GATB: variants seen among roughly 807,000 people sequenced by gnomAD.
GATB encodes the protein glutamyl-tRNA(Gln) amidotransferase subunit B, mitochondrial.
GATB carries 39 observed loss-of-function variants against 62.3 expected under a neutral mutation model. The ratio of observed to expected loss-of-function variants is 0.63; its 90% confidence interval spans 0.48 to 0.82. The LOEUF (loss-of-function observed/expected upper bound fraction) is 0.82, where lower values mean the gene tolerates loss of function less well. GATB is among the 40% of genes least tolerant of loss of function. GATB has a pLI of 0.00. For missense variants in GATB, 670 were observed against 684.0 expected, an observed-to-expected ratio of 0.98 and a Z score of 0.23; for synonymous variants, 276 against 258.9, an observed-to-expected ratio of 1.07 and a Z score of -0.63.
intron 2 of GATB, chr4:151,721,912 T>C (rs1237442459): frequency 2.2e-6 from 1 of 444,822 alleles, no homozygotes. Context: ...AAACCACCAC[T>C]TTCCAGAGAA....
chr4:151,726,093 T>C (rs1364320782), intron 2 of GATB, among the ~76,000 whole-genome samples: 2 of 152,224 alleles, frequency 1.3e-5, no homozygotes, highest in Non-Finnish European at 2.9e-5. Flanking sequence ...ATGCTATACA[T>C]GACAAATCTG....
At chr4:151,681,353 A>G (rs1216832997) in intron 10 of GATB, among the ~76,000 whole-genome samples, 1 of 152,218 alleles carries the variant, frequency 6.6e-6, no homozygotes, top group African/African-American at 2.4e-5. Context: ...AGGTTTGGAG[A>G]ATATCTGGTG....
chr4:151,693,287 C>A (rs1419303692), intron 9 of GATB, among the ~76,000 whole-genome samples: 1 of 152,174 alleles, frequency 6.6e-6, no homozygotes, highest in African/African-American at 2.4e-5. Flanking sequence ...GGCGTCAGGG[C>A]AAGGCTAAGG....
At chr4:151,755,106 A>ATAAGTAATTAG (rs1012453464) in intron 2 of GATB, among the ~76,000 whole-genome samples, 6 of 152,206 alleles carry the variant, frequency 3.9e-5, no homozygotes, top group Non-Finnish European at 5.9e-5. Context: ...CTGTTAATTA[A>ATAAGTAATTAG]TAAGAGCACT....
chr4:151,720,375 T>C (rs1049475962), intron 2 of GATB: 2 of 152,210 alleles, frequency 1.3e-5, no homozygotes, highest in Admixed American at 6.5e-5. Flanking sequence ...TCAGTTTCCT[T>C]GTGTCTAAAA....
intron 1 of GATB, among the ~76,000 whole-genome samples, chr4:151,760,282 CTCT>C (rs1739924513): frequency 6.6e-6 from 1 of 152,138 alleles, no homozygotes; most frequent in South Asian, 2.1e-4. Context: ...GGGGGAGTAT[CTCT>C]TCTTTTGGCT....
Position 151,719,546 on chromosome 4 carries a change from A to C in GATB, c.328-8T>G. 4 of 1,573,390 alleles carry C rather than the reference A, an allele frequency of 2.5e-6. No individual in the cohort carries two copies. Among genetic ancestry groups the C allele is most frequent in the Non-Finnish European group, 3.5e-6 (4 of 1,152,450 alleles). On this transcript the variant is annotated splice_region_variant and splice_polypyrimidine_tract_variant and intron_variant, in intron 2 of 12. Transcript: ENST00000263985. Reference sequence around the variant, plus strand: ...ACACCTCCTGTTGAGAACCTATGGGAACACAACACACAGTTCCTCTCAGAA... The same window carrying C: ...ACACCTCCTGTTGAGAACCTATGGGCACACAACACACAGTTCCTCTCAGAA...
At chr4:151,727,509 G>A (rs1578926425) in intron 2 of GATB, among the ~76,000 whole-genome samples, 1 of 152,204 alleles carries the variant, frequency 6.6e-6, no homozygotes. Context: ...AGACAAGACT[G>A]GGTGTGTAGA....
chr4:151,752,104 T>C (rs1236859590), intron 2 of GATB, among the ~76,000 whole-genome samples: 1 of 152,192 alleles, frequency 6.6e-6, no homozygotes, highest in South Asian at 2.1e-4. Context: ...TTTTTTCCCC[T>C]AAGAATGTTT....
intron 12 of GATB, 52 bp downstream of exon 12, chr4:151,672,710 T>G (rs1000320405): frequency 6.3e-7 from 1 of 1,586,988 alleles, no homozygotes. Context: ...GCGAGGCTCT[T>G]GGGCATGTCC....
At position 151,756,645 on chromosome 4, in the gene GATB, T is replaced by C. The variant is rs150820131; in HGVS notation, c.327+2127A>G. ...CAGACTTTGTCTGCCATTTAATTAATGTAAGCCAAGCTCTCAACACTCAAA... is the reference window on the plus strand; with the variant it reads ...CAGACTTTGTCTGCCATTTAATTAACGTAAGCCAAGCTCTCAACACTCAAA... On this transcript the variant is annotated intron_variant, in intron 2 of 12. Transcript: ENST00000263985. 3.7e-3 allele frequency among the ~76,000 whole-genome samples: 563 copies of C among 152,346 alleles called. 2 individuals are homozygous for C. Among genetic ancestry groups the C allele is most frequent in the African/African-American group, 0.013 (521 of 41,580 alleles).
At chr4:151,672,590 C>T in intron 12 of GATB, 172 bp downstream of exon 12, 1 of 620,696 alleles carries the variant, frequency 1.6e-6, no homozygotes, top group South Asian at 2.7e-5. Flanking sequence ...CAATATCCAC[C>T]TATTTCATCT....
rs190783132 is a variant in GATB at position 151,752,593 on chromosome 4, G to A, written c.327+6179C>T. 5.3e-4 allele frequency among the ~76,000 whole-genome samples: 81 copies of A among 152,122 alleles called. 1 individual carries two copies. Among genetic ancestry groups the A allele is most frequent in the African/African-American group, 1.8e-3 (74 of 41,524 alleles). On this transcript the variant is annotated intron_variant, in intron 2 of 12. Coordinates refer to ENST00000263985, the MANE Select transcript of GATB (RefSeq NM_004564.3). ...CCATAATTTTAATTTCTAAGAGCTCGTTTTTATCCTGTTTGTTCATTTTTT... is the reference window on the plus strand; with the variant it reads ...CCATAATTTTAATTTCTAAGAGCTCATTTTTATCCTGTTTGTTCATTTTTT...
At chr4:151,724,725 A>T (rs1739102478) in intron 2 of GATB, among the ~76,000 whole-genome samples, 1 of 151,752 alleles carries the variant, frequency 6.6e-6, no homozygotes, top group African/African-American at 2.4e-5. Flanking sequence ...CATCTTTCCC[A>T]CCACTACTAC....
At chr4:151,700,517 C>T (rs952997320) in intron 9 of GATB, among the ~76,000 whole-genome samples, 5 of 152,038 alleles carry the variant, frequency 3.3e-5, no homozygotes, top group African/African-American at 1.2e-4. Context: ...CTCCAGCATC[C>T]CAATGTAGTT....
intron 11 of GATB, chr4:151,676,388 A>G (rs17027798): frequency 0.6 from 90,916 of 152,186 alleles, 29,534 homozygotes; most frequent in African/African-American, 0.87. Flanking sequence ...TTAACTGGAC[A>G]ATCCTCAGGG....
At chr4:151,728,456 T>G (rs75276449) in intron 2 of GATB, among the ~76,000 whole-genome samples, 1,654 of 152,312 alleles carry the variant, frequency 0.011, 20 homozygotes, top group African/African-American at 0.037. Flanking sequence ...ATGGCCAAGA[T>G]CTTTAGTGAA....
At chr4:151,721,956 A>G (rs1393827705) in intron 2 of GATB, 1 of 546,900 alleles carries the variant, frequency 1.8e-6, no homozygotes, top group East Asian at 3.1e-5. Flanking sequence ...TTACAGTGAT[A>G]CTGAGAATAT....
intron 9 of GATB, among the ~76,000 whole-genome samples, chr4:151,689,856 G>C (rs1275986181): frequency 6.6e-6 from 1 of 152,108 alleles, no homozygotes; most frequent in East Asian, 1.9e-4. Flanking sequence ...CTTGCTGCCA[G>C]CTCAGATAGT....
Sources: gnomAD v4.1 joint callset for allele counts (sites outside exome capture counted in the v4.1 genomes callset) on GRCh38, gnomAD v4.1.1 for gene constraint, MANE v1.5 for transcripts, NCBI Gene and HGNC (gene_info 2026-07-23, HGNC 2026-07-21) for gene names.